PTPRD: variants seen among roughly 807,000 people sequenced by gnomAD.
PTPRD encodes the protein protein tyrosine phosphatase receptor type D, also known as receptor-type tyrosine-protein phosphatase delta.
In PTPRD, 34 loss-of-function variants were observed where a neutral mutation model predicts 214.5. The observed-to-expected ratio is 0.16, with a 90% CI of 0.12 to 0.21. PTPRD has a LOEUF of 0.21. Ranked by LOEUF, PTPRD falls within the 10% of genes least tolerant of loss-of-function variation. The pLI, the probability that PTPRD is intolerant of heterozygous loss-of-function variation, is 1.00. For missense variants in PTPRD, 2,545 were observed against 2,398.7 expected, an observed-to-expected ratio of 1.06 and a Z score of -1.27; for synonymous variants, 1,128 against 845.7, an observed-to-expected ratio of 1.33 and a Z score of -5.79.
At chr9:9,043,546 T>C (rs2099652346) in intron 10 of PTPRD, among the ~76,000 whole-genome samples, 1 of 152,160 alleles carries the variant, frequency 6.6e-6, no homozygotes, top group Non-Finnish European at 1.5e-5. Context: ...AAGGTGCCAC[T>C]CTATCTTTAA....
chr9:8,597,513 CA>C (rs200806161), intron 14 of PTPRD, among the ~76,000 whole-genome samples: 9 of 147,866 alleles, frequency 6.1e-5, no homozygotes, highest in African/African-American at 7.4e-5. Flanking sequence ...CAAAATAAAA[CA>C]AAAAAAAGGA....
In PTPRD at chr9:9,467,291, C is replaced by T. The variant is rs1402086793; in HGVS notation, c.-236-69809G>A. ...GGTCTTCTCTTTGGCCAAAATCTAT[C>T]CTAGAAGTTGAACAGGCTAGGCATG... On this transcript the variant is annotated intron_variant, in intron 8 of 45. Coordinates refer to ENST00000381196, the MANE Select transcript of PTPRD (RefSeq NM_002839.4). 5.9e-5 allele frequency among the ~76,000 whole-genome samples: 8 copies of T among 135,038 alleles called. No individual in the cohort carries two copies. The East Asian group carries it at 1.4e-3, about 23-fold the overall frequency. 88.6% of individuals were successfully genotyped at this position (135,038 alleles called of 152,430 possible).
chr9:9,443,763 T>C (rs2089279604), intron 8 of PTPRD, among the ~76,000 whole-genome samples: 2 of 152,104 alleles, frequency 1.3e-5, no homozygotes, highest in African/African-American at 4.8e-5. Flanking sequence ...TTGGCACCCA[T>C]GGAATAGAAG....
chr9:8,557,564 G>A (rs989073397), intron 14 of PTPRD, among the ~76,000 whole-genome samples: 40 of 149,056 alleles, frequency 2.7e-4, no homozygotes, highest in African/African-American at 8.4e-4. Context: ...CCAACATGGC[G>A]AAACCATGTC....
intron 33 of PTPRD, among the ~76,000 whole-genome samples, chr9:8,457,062 T>C (rs985264735): frequency 9.2e-5 from 14 of 152,170 alleles, no homozygotes; most frequent in African/African-American, 3.4e-4. Flanking sequence ...TTTGTTGGAG[T>C]AGATGGACGT....
At chr9:10,088,635 G>T (rs1486599475) in intron 3 of PTPRD, among the ~76,000 whole-genome samples, 1 of 151,706 alleles carries the variant, frequency 6.6e-6, no homozygotes, top group Non-Finnish European at 1.5e-5. Flanking sequence ...CAATGTGGGG[G>T]CAGTAGTCAA....
In PTPRD at chr9:9,564,458, T is replaced by G. The variant is rs569143365; in HGVS notation, c.-237+10274A>C. 2.2e-4 allele frequency among the ~76,000 whole-genome samples: 33 copies of G among 152,196 alleles called. 1 individual carries two copies. In the South Asian group the frequency reaches 6.4e-3, roughly 30 times the overall value. On this transcript the variant is annotated intron_variant, in intron 8 of 45. Transcript: ENST00000381196. ...CAATTTAAATTTATATTTTAAAAAT[T>G]TCTGACTCCACATTAGATCAACTAA...
At chr9:10,062,337 G>T (rs1396451200) in intron 3 of PTPRD, among the ~76,000 whole-genome samples, 1 of 152,092 alleles carries the variant, frequency 6.6e-6, no homozygotes. Flanking sequence ...AGGTGCAGTG[G>T]CTCGATGCCT....
At chr9:8,485,419 G>A in intron 28 of PTPRD, 95 bp from the exon 29 acceptor site, 1 of 820,600 alleles carries the variant, frequency 1.2e-6, no homozygotes, top group Non-Finnish European at 2.0e-6. Context: ...GCTAGATGCT[G>A]TCTACTTTGA....
intron 2 of PTPRD, among the ~76,000 whole-genome samples, chr9:10,563,366 A>G (rs2064592014): frequency 6.6e-6 from 1 of 152,168 alleles, no homozygotes; most frequent in Non-Finnish European, 1.5e-5. Context: ...AGAAATGAGA[A>G]AAAAAGAGAC....
At chr9:9,317,439 A>G (rs1963868384) in intron 9 of PTPRD, among the ~76,000 whole-genome samples, 1 of 152,094 alleles carries the variant, frequency 6.6e-6, no homozygotes, top group South Asian at 2.1e-4. Context: ...ATGTGGGTGA[A>G]TGCAAGTGCC....
intron 11 of PTPRD, among the ~76,000 whole-genome samples, chr9:8,883,431 G>A (rs78244516): frequency 0.079 from 11,953 of 152,202 alleles, 617 homozygotes; most frequent in Middle Eastern, 0.12. Context: ...TCATTGGCCA[G>A]TGTTGTTAGA....
At chr9:9,563,906 T>TTC (rs1301654607) in intron 8 of PTPRD, among the ~76,000 whole-genome samples, 1 of 152,150 alleles carries the variant, frequency 6.6e-6, no homozygotes, top group Non-Finnish European at 1.5e-5. Flanking sequence ...CCTGGCTTTC[T>TTC]TCTCCACATG....
At chr9:9,751,410 C>G (rs1473674584) in intron 6 of PTPRD, among the ~76,000 whole-genome samples, 1 of 152,056 alleles carries the variant, frequency 6.6e-6, no homozygotes, top group East Asian at 1.9e-4. Context: ...TGAGTTAACT[C>G]ATCTCTACAA....
intron 3 of PTPRD, among the ~76,000 whole-genome samples, chr9:10,305,591 C>G (rs2096035434): frequency 6.6e-6 from 1 of 151,860 alleles, no homozygotes; most frequent in African/African-American, 2.4e-5. Context: ...AACAAACAAC[C>G]CCATCAAAAA....
intron 9 of PTPRD, among the ~76,000 whole-genome samples, chr9:9,369,463 T>A (rs1456771938): frequency 6.6e-5 from 10 of 152,278 alleles, no homozygotes; most frequent in African/African-American, 2.4e-4. Flanking sequence ...GTTGTTTGCT[T>A]TTTTTCTTGT....
intron 35 of PTPRD, among the ~76,000 whole-genome samples, chr9:8,431,575 A>T (rs908075483): frequency 4.6e-5 from 7 of 152,188 alleles, no homozygotes; most frequent in African/African-American, 1.7e-4. Context: ...TTAAATTTTA[A>T]ATATACTAGT....
At chr9:8,382,908 A>C (rs1589162305) in intron 37 of PTPRD, among the ~76,000 whole-genome samples, 1 of 152,278 alleles carries the variant, frequency 6.6e-6, no homozygotes, top group East Asian at 1.9e-4. Flanking sequence ...TTCCAGTTCC[A>C]TTTGGAAAAG....
intron 3 of PTPRD, among the ~76,000 whole-genome samples, chr9:10,245,468 T>C (rs1233459433): frequency 2.0e-5 from 3 of 152,210 alleles, no homozygotes; most frequent in Non-Finnish European, 4.4e-5. Context: ...ATCTGTTCAA[T>C]TAATACTCAC....
Sources: allele counts gnomAD v4.1 joint callset (sites outside exome capture counted in the v4.1 genomes callset), GRCh38; gene constraint gnomAD v4.1.1; transcripts MANE v1.5; gene names NCBI Gene and HGNC (gene_info 2026-07-23, HGNC 2026-07-21).